The following TIAM1 variants were observed in gnomAD, a reference collection of about 807,000 sequenced individuals.
TIAM1 encodes TIAM Rac1 associated GEF 1, also known as rho guanine nucleotide exchange factor TIAM1.
TIAM1 carries 65 observed loss-of-function variants against 163.5 expected under a neutral mutation model. The observed-to-expected ratio is 0.40, with a 90% CI of 0.33 to 0.49. The LOEUF (loss-of-function observed/expected upper bound fraction) is 0.49. Among genes scored for constraint, TIAM1 ranks in the 20% least tolerant of loss-of-function variants. The probability of loss-of-function intolerance (pLI) is 0.77; values close to 1 mark genes in which losing one functional copy is unlikely to be tolerated. For missense variants in TIAM1, 1,789 were observed against 2,044.7 expected, an observed-to-expected ratio of 0.87 and a Z score of 2.41; for synonymous variants, 833 against 810.1, an observed-to-expected ratio of 1.03 and a Z score of -0.48.
chr21:31,124,014 G>C (rs1266312924), intron 27 of TIAM1: 2 of 152,470 alleles, frequency 1.3e-5, no homozygotes, highest in African/African-American at 2.4e-5. Flanking sequence ...ATAAAAACTG[G>C]AAGTGCCATG....
At chr21:31,362,898 C>A (rs77126915) in intron 2 of TIAM1, among the ~76,000 whole-genome samples, 1 of 152,074 alleles carries the variant, frequency 6.6e-6, no homozygotes, top group South Asian at 2.1e-4. Context: ...AACAGGACAT[C>A]GAGTTCTCTG....
chr21:31,526,287 C>T (rs1028657934), intron 1 of TIAM1, among the ~76,000 whole-genome samples: 4 of 152,132 alleles, frequency 2.6e-5, no homozygotes, highest in South Asian at 2.1e-4. Flanking sequence ...TGGAAGGCAG[C>T]GGGAAGCAAG....
Position 31,141,536 on chromosome 21 carries a change from G to A in TIAM1, c.3476-32C>T, listed in dbSNP as rs780773093. On this transcript the variant is annotated intron_variant, in intron 20 of 27. Coordinates refer to ENST00000541036, the MANE Select transcript of TIAM1 (RefSeq NM_001353694.2). This position sits in a 1 kb window ranked among gnomAD's most constrained non-coding sequence, Gnocchi z 4.7. ...GGGTTTAAACACAGGTCATGGGGGT[G>A]GAACGCCCACGTGACTCCCTTCCCA... The A allele has an allele frequency of 6.2e-7, 1 of 1,604,908 alleles. No individual in the cohort carries two copies. The highest frequency in any genetic ancestry group is 8.5e-7 in the Non-Finnish European group (1 of 1,175,358).
At chr21:31,130,416 C>A in intron 24 of TIAM1, 101 bp from the exon 25 acceptor site, 2 of 890,768 alleles carry the variant, frequency 2.2e-6, no homozygotes, top group African/African-American at 1.7e-5. Flanking sequence ...CGCAGTAACT[C>A]TAGGCGTGCC....
intron 23 of TIAM1, among the ~76,000 whole-genome samples, chr21:31,134,279 A>G (rs568515607): frequency 2.0e-4 from 31 of 152,232 alleles, no homozygotes; most frequent in South Asian, 1.9e-3. Flanking sequence ...ATTTACATCA[A>G]TATCCTGCAT....
rs540223478 is a variant in TIAM1 at position 31,414,016 on chromosome 21, G to A, written c.-369+49967C>T. Reference sequence around the variant, plus strand: ...GGCAACTGCAAACATGACATTTGGCGGATGACAAAGGCCTAAAAGGAGACT... The same window carrying A: ...GGCAACTGCAAACATGACATTTGGCAGATGACAAAGGCCTAAAAGGAGACT... On this transcript the variant is annotated intron_variant, in intron 2 of 28. Coordinates refer to the TIAM1 transcript ENST00000286827. 1.6e-3 allele frequency among the ~76,000 whole-genome samples: 245 copies of A among 152,308 alleles called. 1 individual carries two copies. The highest frequency in any genetic ancestry group is 5.6e-3 in the African/African-American group (234 of 41,558).
Position 31,154,440 on chromosome 21 carries a change from G to C in TIAM1, c.2992-14C>G, listed in dbSNP as rs78007898. The C allele has an allele frequency of 3.2e-5, 52 of 1,608,324 alleles. No individual in the cohort carries two copies. Among genetic ancestry groups the C allele is most frequent in the South Asian group, 6.6e-5 (6 of 90,814 alleles). ...CTGTTCTGTACTCTTCGGAGCACAG[G>C]GGGGAAGGGAAGGCAGAGGTCATTA... On this transcript the variant is annotated splice_polypyrimidine_tract_variant and intron_variant, in intron 16 of 27. Transcript: ENST00000541036.
Position 31,395,641 on chromosome 21 carries a change from G to A in TIAM1, c.-368-56219C>T, listed in dbSNP as rs1004530806. On this transcript the variant is annotated intron_variant, in intron 2 of 28. Coordinates refer to the TIAM1 transcript ENST00000286827. This position sits in a 1 kb window ranked among gnomAD's most constrained non-coding sequence, Gnocchi z 7.5. ...AAATGAACTTACACAGAGGGCATGG[G>A]GGTAGTAAAAGGTGCTGGACGAGAG... is the stretch of plus-strand genomic sequence containing the variant. Among the ~76,000 whole-genome samples the A allele has an allele frequency of 3.3e-5, 5 of 152,168 alleles. No individual in the cohort carries two copies. The highest frequency in any genetic ancestry group is 5.9e-5 in the Non-Finnish European group (4 of 68,016).
chr21:31,254,890 G>A (rs1013000581), intron 4 of TIAM1, among the ~76,000 whole-genome samples: 8 of 152,154 alleles, frequency 5.3e-5, no homozygotes, highest in South Asian at 2.1e-4. Context: ...GCAGAAACCC[G>A]AAAGACCAAC....
intron 2 of TIAM1, among the ~76,000 whole-genome samples, chr21:31,392,442 C>T (rs537341528): frequency 2.6e-5 from 4 of 151,830 alleles, no homozygotes; most frequent in Non-Finnish European, 5.9e-5. Flanking sequence ...TGGTGGCAGG[C>T]GCCTGTAATC....
chr21:31,389,275 G>C (rs1050965626), intron 2 of TIAM1, among the ~76,000 whole-genome samples: 1 of 151,980 alleles, frequency 6.6e-6, no homozygotes, highest in South Asian at 2.1e-4. Flanking sequence ...GAGTGCAGTG[G>C]CACGATCTCA....
At chr21:31,305,387 G>A (rs1313865495) in intron 2 of TIAM1, among the ~76,000 whole-genome samples, 3 of 151,476 alleles carry the variant, frequency 2.0e-5, no homozygotes, top group Admixed American at 6.6e-5. Context: ...AATAGATTAG[G>A]GAAGGAGCGA....
chr21:31,221,804 A>G (rs979261196), intron 8 of TIAM1, among the ~76,000 whole-genome samples: 1 of 152,180 alleles, frequency 6.6e-6, no homozygotes, highest in African/African-American at 2.4e-5. Context: ...AAGAATTTCT[A>G]TCCTAGTTTT....
chr21:31,340,370 T>C (rs977142261), intron 1 of TIAM1, among the ~76,000 whole-genome samples: 2 of 151,994 alleles, frequency 1.3e-5, no homozygotes, highest in African/African-American at 4.8e-5. Context: ...GCTCTTATTG[T>C]CCCTTTTTGG....
chr21:31,309,025 A>AT (rs11410307), intron 2 of TIAM1, among the ~76,000 whole-genome samples: 32,678 of 152,066 alleles, frequency 0.21, 4,180 homozygotes, highest in Middle Eastern at 0.38. Context: ...TACAAGCTCA[A>AT]TGACCTCCAC....
intron 2 of TIAM1, among the ~76,000 whole-genome samples, chr21:31,455,631 GAC>G (rs1372058927): frequency 6.6e-6 from 1 of 152,112 alleles, no homozygotes; most frequent in Non-Finnish European, 1.5e-5. Context: ...CACTGAACAA[GAC>G]ACAGTAAACT....
At chr21:31,166,954 A>G (rs1397706769) in intron 15 of TIAM1, among the ~76,000 whole-genome samples, 1 of 152,178 alleles carries the variant, frequency 6.6e-6, no homozygotes, top group Non-Finnish European at 1.5e-5. Context: ...GGTCTGCAGA[A>G]TCACAACCTC....
intron 2 of TIAM1, among the ~76,000 whole-genome samples, chr21:31,411,477 T>C (rs1175087135): frequency 2.0e-5 from 3 of 149,774 alleles, no homozygotes; most frequent in Non-Finnish European, 3.0e-5. Context: ...GAAACTTTTT[T>C]TTTTTTTTTT....
intron 12 of TIAM1, among the ~76,000 whole-genome samples, chr21:31,197,550 T>TTTTTTTTTTTG (rs1204377508): frequency 2.7e-5 from 4 of 148,450 alleles, no homozygotes; most frequent in African/African-American, 1.0e-4. Flanking sequence ...TTTTTTTTTT[T>TTTTTTTTTTTG]TTTTGTATTT....
Sources: allele counts gnomAD v4.1 joint callset (sites outside exome capture counted in the v4.1 genomes callset), GRCh38; gene constraint gnomAD v4.1.1; non-coding constraint Gnocchi (gnomAD v3.1); transcripts MANE v1.5; gene names NCBI Gene and HGNC (gene_info 2026-07-23, HGNC 2026-07-21).